The following AFG1L variants were observed in gnomAD, a reference collection of about 807,000 sequenced individuals.
AFG1L encodes AFG1 like ATPase, also known as AFG1-like ATPase.
A neutral mutation model predicts 62.2 loss-of-function variants in AFG1L; 53 were observed. That is an observed-to-expected ratio of 0.85 (90% CI 0.68 to 1.07). AFG1L has a LOEUF of 1.07. Among genes scored for constraint, AFG1L ranks in the 50% least tolerant of loss-of-function variants. The probability of loss-of-function intolerance (pLI) is 0.00; values close to 1 mark genes in which losing one functional copy is unlikely to be tolerated. For missense variants in AFG1L, 555 were observed against 590.5 expected, an observed-to-expected ratio of 0.94 and a Z score of 0.62; for synonymous variants, 228 against 210.3, an observed-to-expected ratio of 1.08 and a Z score of -0.73.
At chr6:108,508,008 C>T (rs886601024) in intron 10 of AFG1L, among the ~76,000 whole-genome samples, 4 of 152,132 alleles carry the variant, frequency 2.6e-5, no homozygotes, top group East Asian at 1.9e-4. Flanking sequence ...ATAAAAGTAG[C>T]CAAGATGGTT....
chr6:108,405,934 T>C (rs1030262672), intron 7 of AFG1L, among the ~76,000 whole-genome samples: 1 of 152,228 alleles, frequency 6.6e-6, no homozygotes, highest in Non-Finnish European at 1.5e-5. Flanking sequence ...CTCCAAAGTT[T>C]ATGCATGTTG....
chr6:108,491,480 T>C (rs982867547), intron 10 of AFG1L, among the ~76,000 whole-genome samples: 16 of 152,266 alleles, frequency 1.1e-4, no homozygotes, highest in African/African-American at 3.8e-4. Context: ...AAAGTAAAGT[T>C]TAATGAAACT....
chr6:108,436,802 A>G (rs1238777074), intron 7 of AFG1L, among the ~76,000 whole-genome samples: 1 of 152,232 alleles, frequency 6.6e-6, no homozygotes, highest in African/African-American at 2.4e-5. Flanking sequence ...TTTGTAAAAT[A>G]GAATAATAAT....
chr6:108,417,962 T>A (rs1166691708), intron 7 of AFG1L, among the ~76,000 whole-genome samples: 1 of 152,086 alleles, frequency 6.6e-6, no homozygotes, highest in African/African-American at 2.4e-5. Context: ...GCCTCCCGGG[T>A]AGCTGGGACT....
chr6:108,482,220 C>T (rs561429793), intron 10 of AFG1L, among the ~76,000 whole-genome samples: 3 of 125,846 alleles, frequency 2.4e-5, no homozygotes, highest in African/African-American at 8.5e-5. Context: ...CAAAATCATA[C>T]ATGACAAAAG....
chr6:108,405,538 G>C (rs749296454), intron 7 of AFG1L, among the ~76,000 whole-genome samples: 1 of 151,978 alleles, frequency 6.6e-6, no homozygotes, highest in African/African-American at 2.4e-5. Flanking sequence ...GTAGAGACAG[G>C]GTTTCACTAT....
chr6:108,297,636 C>G (rs1776815452), intron 1 of AFG1L, among the ~76,000 whole-genome samples: 1 of 151,782 alleles, frequency 6.6e-6, no homozygotes, highest in Non-Finnish European at 1.5e-5. Context: ...AGTAGGATCA[C>G]TTGAGCTCAG....
intron 8 of AFG1L, among the ~76,000 whole-genome samples, chr6:108,467,024 G>T (rs1772701954): frequency 6.6e-6 from 1 of 151,870 alleles, no homozygotes; most frequent in Non-Finnish European, 1.5e-5. Context: ...TAAGGGAAAT[G>T]AGCTTATATG....
intron 10 of AFG1L, 41 bp downstream of exon 10, chr6:108,477,333 A>G (rs759647946): frequency 1.5e-5 from 18 of 1,177,720 alleles, no homozygotes; most frequent in Non-Finnish European, 2.2e-5. Flanking sequence ...GCCTTTTCAC[A>G]TGTTAAAATA....
chr6:108,431,382 G>A (rs963921958), intron 7 of AFG1L, among the ~76,000 whole-genome samples: 2 of 152,078 alleles, frequency 1.3e-5, no homozygotes, highest in Non-Finnish European at 2.9e-5. Context: ...GGGATTACAG[G>A]CATGAGCCAC....
chr6:108,468,885 T>C (rs1433515637), intron 8 of AFG1L, among the ~76,000 whole-genome samples: 3 of 152,120 alleles, frequency 2.0e-5, no homozygotes, highest in Non-Finnish European at 2.9e-5. Context: ...TTTGTTGTTC[T>C]TTTGGTTTGC....
rs373217777 is a variant in AFG1L, at chr6:108,355,624, A to G, written c.416-30A>G. 4.1e-5 allele frequency: 47 copies of G among 1,148,848 alleles called. No individual in the cohort carries two copies. The African/African-American group carries it at 6.1e-4, about 15-fold the overall frequency. The allele number at this position is 1,148,848 out of a possible 1,614,324, so 71.2% of individuals were successfully genotyped here. Reference sequence around the variant, plus strand: ...CAGCAATCAGTACATACTATTTAATAGTATTCTTAAAATTTTTTTTATTTT... The same window carrying G: ...CAGCAATCAGTACATACTATTTAATGGTATTCTTAAAATTTTTTTTATTTT... On this transcript the variant is annotated intron_variant, in intron 3 of 12. Transcript: ENST00000368977.
chr6:108,366,221 T>C lies in AFG1L; in HGVS notation c.649-12T>C, dbSNP rs755587283. 8 of 1,523,882 alleles carry C rather than the reference T, an allele frequency of 5.2e-6. No homozygotes were observed. Among genetic ancestry groups the C allele is most frequent in the Non-Finnish European group, 6.3e-6 (7 of 1,102,618 alleles). The allele number at this position is 1,523,882 out of a possible 1,614,324, so 94.4% of individuals were successfully genotyped here. ...TGAAATTAAAATAAAACAAATGTGTTGTTGTCAATAGGTCACTGACATTGC... is the reference window on the plus strand; with the variant it reads ...TGAAATTAAAATAAAACAAATGTGTCGTTGTCAATAGGTCACTGACATTGC... On this transcript the variant is annotated splice_polypyrimidine_tract_variant and intron_variant, in intron 5 of 12. Coordinates refer to ENST00000368977, the MANE Select transcript of AFG1L (RefSeq NM_145315.5).
chr6:108,400,008 G>A (rs940513525), intron 6 of AFG1L, among the ~76,000 whole-genome samples: 7 of 151,662 alleles, frequency 4.6e-5, no homozygotes, highest in Non-Finnish European at 1.0e-4. Context: ...TGAACTCCTG[G>A]ACTCAAGGGA....
chr6:108,351,013 C>T (rs747801371), intron 3 of AFG1L, among the ~76,000 whole-genome samples: 23 of 152,128 alleles, frequency 1.5e-4, no homozygotes, highest in Admixed American at 2.6e-4. Context: ...GCAGTTGTAA[C>T]GCTGTGGTAT....
intron 7 of AFG1L, among the ~76,000 whole-genome samples, chr6:108,404,128 A>G (rs1202525197): frequency 6.6e-6 from 1 of 152,164 alleles, no homozygotes; most frequent in African/African-American, 2.4e-5. Flanking sequence ...AGGTAGTTTA[A>G]TATTAACTTA....
At chr6:108,457,420 A>T (rs1772292760) in intron 8 of AFG1L, among the ~76,000 whole-genome samples, 3 of 151,914 alleles carry the variant, frequency 2.0e-5, no homozygotes, top group Admixed American at 2.0e-4. Context: ...AGAGTACAAC[A>T]CTTGATGTAT....
intron 1 of AFG1L, among the ~76,000 whole-genome samples, chr6:108,296,479 C>T (rs1184758477): frequency 6.6e-6 from 1 of 152,068 alleles, no homozygotes; most frequent in Admixed American, 6.5e-5. Context: ...TCCTCAGAGG[C>T]AATCTGTGAT....
At chr6:108,385,412 A>G (rs747184728) in intron 6 of AFG1L, among the ~76,000 whole-genome samples, 9 of 152,232 alleles carry the variant, frequency 5.9e-5, no homozygotes, top group Admixed American at 1.3e-4. Context: ...TCGATGCCTT[A>G]AGGACATGTT....
Sources: allele counts gnomAD v4.1 joint callset (sites outside exome capture counted in the v4.1 genomes callset), GRCh38; gene constraint gnomAD v4.1.1; transcripts MANE v1.5; gene names NCBI Gene and HGNC (gene_info 2026-07-23, HGNC 2026-07-21).